ZNF804B: variants seen among roughly 807,000 people sequenced by gnomAD.
The protein encoded by ZNF804B is zinc finger protein 804B.
Under a neutral mutation model 101.4 loss-of-function variants are expected in ZNF804B, and 80 were observed. The ratio of observed to expected loss-of-function variants is 0.79; its 90% CI spans 0.66 to 0.95. The LOEUF (loss-of-function observed/expected upper bound fraction) is 0.95, where lower values mean the gene tolerates loss of function less well. Among genes scored for constraint, ZNF804B ranks in the 40% least tolerant of loss-of-function variants. ZNF804B has a pLI of 0.00. For missense variants in ZNF804B, 1,673 were observed against 1,561.9 expected, an observed-to-expected ratio of 1.07 and a Z score of -1.20; for synonymous variants, 622 against 558.8, an observed-to-expected ratio of 1.11 and a Z score of -1.59.
chr7:88,766,443 A>G (rs1242612339), intron 1 of ZNF804B, among the ~76,000 whole-genome samples: 2 of 152,228 alleles, frequency 1.3e-5, no homozygotes, highest in African/African-American at 2.4e-5. Flanking sequence ...TTCAAATTTG[A>G]TATCTAAATT....
intron 1 of ZNF804B, among the ~76,000 whole-genome samples, chr7:89,035,612 G>A (rs568759599): frequency 6.6e-6 from 1 of 151,770 alleles, no homozygotes; most frequent in Non-Finnish European, 1.5e-5. Flanking sequence ...CTTTTGATCA[G>A]TGTTTCTTAT....
intron 1 of ZNF804B, among the ~76,000 whole-genome samples, chr7:88,816,366 G>T (rs896309246): frequency 1.3e-5 from 2 of 152,156 alleles, no homozygotes; most frequent in Non-Finnish European, 2.9e-5. Context: ...GGCAACAAAA[G>T]TCAAAATTGA....
intron 2 of ZNF804B, among the ~76,000 whole-genome samples, chr7:89,237,520 A>G (rs1789303209): frequency 6.6e-6 from 1 of 152,196 alleles, no homozygotes; most frequent in Non-Finnish European, 1.5e-5. Context: ...TTCCTAAACA[A>G]ATATAACTTT....
intron 2 of ZNF804B, among the ~76,000 whole-genome samples, chr7:89,280,296 A>G (rs1790069353): frequency 6.6e-6 from 1 of 151,472 alleles, no homozygotes; most frequent in East Asian, 1.9e-4. Context: ...AATGTCCACA[A>G]GAGGAAGCAG....
intron 1 of ZNF804B, among the ~76,000 whole-genome samples, chr7:88,929,737 G>A (rs748708874): frequency 1.1e-4 from 16 of 151,860 alleles, no homozygotes; most frequent in East Asian, 1.9e-4. Context: ...AATAATCTGA[G>A]AAATCCTATT....
intron 1 of ZNF804B, among the ~76,000 whole-genome samples, chr7:88,829,830 A>G (rs919092344): frequency 5.3e-5 from 8 of 152,182 alleles, no homozygotes; most frequent in Admixed American, 4.6e-4. Context: ...AAATTGTGCT[A>G]TAATATTTTA....
chr7:89,267,269 C>T (rs1391058909), intron 2 of ZNF804B, among the ~76,000 whole-genome samples: 1 of 152,092 alleles, frequency 6.6e-6, no homozygotes, highest in Non-Finnish European at 1.5e-5. Context: ...TGTGAACTTG[C>T]TCTATCCATT....
rs1792625626 is a variant in ZNF804B at position 88,915,846 on chromosome 7, A to C, written c.108+155762A>C. On this transcript the variant is annotated intron_variant, in intron 1 of 3. Transcript: ENST00000333190. Reference sequence around the variant, plus strand: ...TTTATCATAAAAATAAGGATAGTGTAACAATATCTATGATATAATATATTT... The same window carrying C: ...TTTATCATAAAAATAAGGATAGTGTCACAATATCTATGATATAATATATTT... Among the ~76,000 whole-genome samples, 3 of 151,394 alleles carry C rather than the reference A, an allele frequency of 2.0e-5. No homozygotes were observed. In the South Asian group the frequency reaches 6.2e-4, roughly 31 times the overall value.
intron 1 of ZNF804B, among the ~76,000 whole-genome samples, chr7:89,217,856 A>G (rs1326611125): frequency 6.6e-6 from 1 of 152,174 alleles, no homozygotes; most frequent in East Asian, 1.9e-4. Context: ...GAGGATATAA[A>G]GAAGAATGGC....
At chr7:89,321,816 C>T (rs1790825862) in intron 2 of ZNF804B, among the ~76,000 whole-genome samples, 1 of 151,878 alleles carries the variant, frequency 6.6e-6, no homozygotes, top group Non-Finnish European at 1.5e-5. Context: ...AAAATAAATA[C>T]ATTTTAAAGA....
chr7:89,317,717 T>C (rs1790753784), intron 2 of ZNF804B, among the ~76,000 whole-genome samples: 1 of 152,180 alleles, frequency 6.6e-6, no homozygotes, highest in Non-Finnish European at 1.5e-5. Flanking sequence ...TTCAAGTGCA[T>C]AAGTCTCATC....
chr7:89,193,987 T>A (rs184388864), intron 1 of ZNF804B, among the ~76,000 whole-genome samples: 3 of 152,302 alleles, frequency 2.0e-5, no homozygotes, highest in Admixed American at 6.5e-5. Flanking sequence ...GTTTCCTGAC[T>A]TTTTAATGAT....
chr7:89,281,748 A>G (rs1305034728), intron 2 of ZNF804B, among the ~76,000 whole-genome samples: 1 of 152,162 alleles, frequency 6.6e-6, no homozygotes, highest in Admixed American at 6.5e-5. Flanking sequence ...ATCATTGTCT[A>G]TAGACTATAA....
chr7:89,276,467 A>T (rs544611440), intron 2 of ZNF804B, among the ~76,000 whole-genome samples: 33 of 152,076 alleles, frequency 2.2e-4, no homozygotes, highest in South Asian at 4.1e-4. Flanking sequence ...GGTTCACTAA[A>T]ATATAAACAA....
intron 1 of ZNF804B, among the ~76,000 whole-genome samples, chr7:89,095,668 T>C (rs1294287671): frequency 6.6e-6 from 1 of 152,220 alleles, no homozygotes; most frequent in African/African-American, 2.4e-5. Flanking sequence ...AGCGTAAAAC[T>C]AAATTATCAG....
chr7:89,185,362 G>A (rs1024324433), intron 1 of ZNF804B, among the ~76,000 whole-genome samples: 3 of 152,116 alleles, frequency 2.0e-5, no homozygotes, highest in African/African-American at 4.8e-5. Context: ...CAGAGAAGCA[G>A]GAAAAGCATG....
rs1438642385 is a variant in ZNF804B, at chr7:89,182,728, G to T, written c.109-35427G>T. ...TTATTCTCTGGAAATTATTAGAATTGAATGGAATGTTTTTATTGCTGATTC... is the reference window on the plus strand; with the variant it reads ...TTATTCTCTGGAAATTATTAGAATTTAATGGAATGTTTTTATTGCTGATTC... On this transcript the variant is annotated intron_variant, in intron 1 of 3. Coordinates refer to ENST00000333190, the MANE Select transcript of ZNF804B (RefSeq NM_181646.5). Among the ~76,000 whole-genome samples the T allele has an allele frequency of 2.0e-5, 3 of 152,130 alleles. No individual in the cohort carries two copies. The East Asian group carries it at 5.8e-4, about 29-fold the overall frequency.
chr7:89,044,097 G>T (rs1366177981), intron 1 of ZNF804B, among the ~76,000 whole-genome samples: 5 of 152,168 alleles, frequency 3.3e-5, no homozygotes, highest in African/African-American at 1.2e-4. Flanking sequence ...ACATGTCCTG[G>T]GAGGCATTCA....
At chr7:88,909,037 A>G (rs1792511951) in intron 1 of ZNF804B, among the ~76,000 whole-genome samples, 1 of 151,804 alleles carries the variant, frequency 6.6e-6, no homozygotes, top group Admixed American at 6.6e-5. Context: ...CTTACTGAAG[A>G]TAGATGGAAA....
Sources: allele counts gnomAD v4.1 joint callset (sites outside exome capture counted in the v4.1 genomes callset), GRCh38; gene constraint gnomAD v4.1.1; transcripts MANE v1.5; gene names NCBI Gene and HGNC (gene_info 2026-07-23, HGNC 2026-07-21).